Variants in NBEA observed in about 807,000 individuals in gnomAD.
NBEA encodes the protein neurobeachin.
A neutral mutation model predicts 343.4 loss-of-function variants in NBEA; 44 were observed. The observed-to-expected ratio is 0.13, with a 90% CI of 0.10 to 0.16. NBEA has a LOEUF of 0.16. Among genes scored for constraint, NBEA ranks in the 10% least tolerant of loss-of-function variants. The pLI is 1.00. For missense variants in NBEA, 2,555 were observed against 3,631.3 expected (o/e 0.70, Z 7.62); for synonymous variants, 1,175 against 1,238.7 (o/e 0.95, Z 1.08).
intron 1 of NBEA, among the ~76,000 whole-genome samples, chr13:34,949,404 T>C (rs1199821146): frequency 6.6e-6 from 1 of 152,224 alleles, no homozygotes; most frequent in Non-Finnish European, 1.5e-5. Flanking sequence ...GCCATACTTC[T>C]AGAGAAACCT....
chr13:35,228,916 G>A (rs1315378337), intron 33 of NBEA, among the ~76,000 whole-genome samples: 2 of 152,196 alleles, frequency 1.3e-5, no homozygotes, highest in Non-Finnish European at 2.9e-5. Context: ...AGTTATTAGA[G>A]TATAAGATTA....
chr13:35,056,181 A>T, intron 7 of NBEA, 52 bp downstream of exon 7: 1 of 1,417,946 alleles, frequency 7.1e-7, no homozygotes, highest in Non-Finnish European at 9.4e-7. Flanking sequence ...AGTATGATCT[A>T]TCATTACAAT....
intron 46 of NBEA, chr13:35,593,114 A>G: frequency 2.4e-6 from 1 of 420,018 alleles, no homozygotes. Flanking sequence ...GACCAGAAGC[A>G]AAATGACCTG....
At chr13:35,540,331 A>G (rs78822570) in intron 41 of NBEA, among the ~76,000 whole-genome samples, 1,582 of 152,292 alleles carry the variant, frequency 0.01, 52 homozygotes, top group East Asian at 0.081. Flanking sequence ...AAGTTAATGT[A>G]TTCAGTATAG....
At position 35,217,532 on chromosome 13, in the gene NBEA, A is replaced by G. The variant is rs1256213564; in HGVS notation, c.5648+6353A>G. On this transcript the variant is annotated intron_variant, in intron 33 of 58. Transcript: ENST00000379939. ...ACTTTTAAGTCTGTGATCTATTTTG[A>G]GCTGATGTCTGTGTAAGGTGTGAGG... Among the ~76,000 whole-genome samples the G allele has an allele frequency of 2.6e-5, 4 of 152,066 alleles. No homozygotes were observed. The East Asian group carries it at 7.7e-4, about 29-fold the overall frequency.
intron 41 of NBEA, among the ~76,000 whole-genome samples, chr13:35,535,943 C>T (rs1262140422): frequency 6.6e-6 from 1 of 152,006 alleles, no homozygotes; most frequent in Non-Finnish European, 1.5e-5. Flanking sequence ...TAAAATAGAC[C>T]CAATCAAAAG....
At chr13:35,412,140 C>T (rs1386801166) in intron 38 of NBEA, among the ~76,000 whole-genome samples, 1 of 152,084 alleles carries the variant, frequency 6.6e-6, no homozygotes, top group Non-Finnish European at 1.5e-5. Context: ...TACACATTTT[C>T]CATGAACTTT....
At chr13:34,985,673 CT>C (rs1441661540) in intron 1 of NBEA, among the ~76,000 whole-genome samples, 1 of 150,796 alleles carries the variant, frequency 6.6e-6, no homozygotes, top group African/African-American at 2.4e-5. Flanking sequence ...TGGTCCTGGA[CT>C]TTTTTTGGTT....
chr13:35,237,735 A>G (rs2075301130), intron 34 of NBEA, among the ~76,000 whole-genome samples: 1 of 152,228 alleles, frequency 6.6e-6, no homozygotes, highest in South Asian at 2.1e-4. Context: ...TTACTCTTTT[A>G]ACTTCAAATA....
At chr13:35,209,718 T>C (rs2073637703) in intron 32 of NBEA, among the ~76,000 whole-genome samples, 1 of 152,116 alleles carries the variant, frequency 6.6e-6, no homozygotes, top group East Asian at 1.9e-4. Context: ...TTTTTATTAA[T>C]TTCATAGCTC....
At chr13:35,637,447 G>A (rs1331478653) in intron 49 of NBEA, among the ~76,000 whole-genome samples, 9 of 152,024 alleles carry the variant, frequency 5.9e-5, no homozygotes, top group Non-Finnish European at 8.8e-5. Flanking sequence ...TTCTACTTCC[G>A]GATATATATC....
At chr13:35,291,872 T>C (rs1413762261) in intron 35 of NBEA, among the ~76,000 whole-genome samples, 2 of 151,938 alleles carry the variant, frequency 1.3e-5, no homozygotes, top group African/African-American at 4.8e-5. Flanking sequence ...TTAAGCTCTC[T>C]ATGCAGTGCA....
intron 1 of NBEA, among the ~76,000 whole-genome samples, chr13:34,968,929 C>A (rs898931537): frequency 1.3e-5 from 2 of 151,792 alleles, no homozygotes; most frequent in African/African-American, 4.8e-5. Flanking sequence ...GTTTTAATAT[C>A]AATTGAGAAG....
At chr13:35,155,616 C>T (rs796075796) in intron 18 of NBEA, among the ~76,000 whole-genome samples, 158 bp from the exon 19 acceptor site, 2 of 152,190 alleles carry the variant, frequency 1.3e-5, no homozygotes, top group South Asian at 4.2e-4. Context: ...AGTGAAACTC[C>T]GTCTTGAAAG....
chr13:35,508,028 G>A (rs2077137181), intron 41 of NBEA, among the ~76,000 whole-genome samples: 2 of 152,150 alleles, frequency 1.3e-5, no homozygotes, highest in African/African-American at 4.8e-5. Flanking sequence ...ATGCAACTTT[G>A]TTTCATTATT....
rs1032063106 is a variant in NBEA, at chr13:35,032,685, A to C, written c.295-8248A>C. On this transcript the variant is annotated intron_variant, in intron 1 of 58. Coordinates refer to ENST00000379939, the MANE Select transcript of NBEA (RefSeq NM_001385012.1). The stretch of plus-strand genomic sequence containing the variant: ...AGTGTTTATTATGCTTGTCTTTTGA[A>C]TATAAGACATTTTTAACTGGGGTGA... Among the ~76,000 whole-genome samples, 2 of 151,664 alleles carry C rather than the reference A, an allele frequency of 1.3e-5. 1 individual carries two copies. The highest frequency in any genetic ancestry group is 3.9e-4 in the East Asian group (2 of 5,174).
intron 38 of NBEA, among the ~76,000 whole-genome samples, chr13:35,400,795 A>C (rs1193584100): frequency 6.6e-6 from 1 of 152,016 alleles, no homozygotes; most frequent in Non-Finnish European, 1.5e-5. Context: ...AAATTCATTT[A>C]TCCATTTGTG....
chr13:35,027,354 A>G (rs1386869354), intron 1 of NBEA, among the ~76,000 whole-genome samples: 2 of 151,478 alleles, frequency 1.3e-5, no homozygotes, highest in Admixed American at 6.6e-5. Context: ...ACCATTTTAT[A>G]TCCTTACAAG....
rs200705969 is a variant in NBEA, at chr13:35,550,547, G to A, written c.6656G>A (p.Arg2219His). 49 of 1,613,134 alleles carry A rather than the reference G, an allele frequency of 3.0e-5. No homozygotes were observed. Among genetic ancestry groups the A allele is most frequent in the Admixed American group, 8.3e-5 (5 of 59,958 alleles). Residue 2219 changes from arginine (R) to histidine (H), a missense_variant, in exon 42 of 59, where the codon CGT becomes CAT. Physicochemically the swap from Arg to His is conservative, Grantham distance 29. Around this residue, in one of 21 missense-constraint regions of NBEA, gnomAD observed 246 missense variants for 313.7 expected, o/e 0.78. Transcript: ENST00000379939. ...FSEIRAVFSR[R>H]YLLQNTALEV... ...GAGATACGAGCTGTATTTTCAAGAC[G>A]TTACCTTCTACAAAACACTGCTTTG...
Sources: allele counts gnomAD v4.1 joint callset (sites outside exome capture counted in the v4.1 genomes callset), GRCh38; gene constraint gnomAD v4.1.1; regional missense constraint gnomAD v4.1.1; transcripts MANE v1.5; gene names NCBI Gene and HGNC (gene_info 2026-07-23, HGNC 2026-07-21).